Variants in CRACR2A observed in about 807,000 individuals in gnomAD.
CRACR2A encodes the protein EF-hand calcium-binding domain-containing protein 4B.
A neutral mutation model predicts 90.5 loss-of-function variants in CRACR2A; 79 were observed. The observed-to-expected ratio is 0.87, with a 90% confidence interval of 0.73 to 1.05. The LOEUF (loss-of-function observed/expected upper bound fraction) is 1.05, where lower values mean the gene tolerates loss of function less well. Among genes scored for constraint, CRACR2A ranks in the 50% least tolerant of loss-of-function variants. CRACR2A has a pLI of 0.00. For synonymous variants in CRACR2A, 338 were observed against 356.7 expected, an observed-to-expected ratio of 0.95 and a Z score of 0.59; for missense variants, 823 against 897.2, an observed-to-expected ratio of 0.92 and a Z score of 1.06.
intron 6 of CRACR2A, among the ~76,000 whole-genome samples, chr12:3,676,388 C>T (rs1336611189): frequency 6.6e-6 from 1 of 152,180 alleles, no homozygotes; most frequent in African/African-American, 2.4e-5. Context: ...ATGGTGACCT[C>T]CCATCCCTGT....
intron 11 of CRACR2A, among the ~76,000 whole-genome samples, chr12:3,645,342 G>A (rs1018218828): frequency 1.3e-5 from 2 of 152,238 alleles, no homozygotes; most frequent in Admixed American, 1.3e-4. Flanking sequence ...GATACACCTA[G>A]TGTGAGCAAG....
intron 4 of CRACR2A, among the ~76,000 whole-genome samples, chr12:3,687,313 T>C (rs898880180): frequency 6.6e-6 from 1 of 152,030 alleles, no homozygotes; most frequent in African/African-American, 2.4e-5. Flanking sequence ...CTAGTACCCA[T>C]TAGTTATTTT....
At chr12:3,636,468 G>A (rs959615585) in intron 14 of CRACR2A, among the ~76,000 whole-genome samples, 2 of 152,222 alleles carry the variant, frequency 1.3e-5, no homozygotes, top group Admixed American at 6.5e-5. Flanking sequence ...TGTGGGGCTG[G>A]CCTCTCTCCC....
intron 2 of CRACR2A, chr12:3,729,868 C>G (rs777991204): frequency 2.0e-5 from 3 of 152,220 alleles, no homozygotes; most frequent in Non-Finnish European, 2.9e-5. Context: ...GAAAAGTGAG[C>G]TAGTGCTACC....
intron 11 of CRACR2A, among the ~76,000 whole-genome samples, chr12:3,647,300 A>G (rs1207867254): frequency 6.7e-6 from 1 of 149,088 alleles, no homozygotes; most frequent in Non-Finnish European, 1.5e-5. Flanking sequence ...TTCATTAGCC[A>G]TTGGGGCTTA....
chr12:3,665,265 T>C (rs528244493), intron 7 of CRACR2A, among the ~76,000 whole-genome samples: 2 of 152,330 alleles, frequency 1.3e-5, no homozygotes, highest in South Asian at 2.1e-4. Flanking sequence ...TTCCCCATGA[T>C]AGCTGGGTAG....
intron 13 of CRACR2A, among the ~76,000 whole-genome samples, chr12:3,641,116 C>T (rs958192356): frequency 4.6e-5 from 7 of 152,070 alleles, no homozygotes; most frequent in East Asian, 1.9e-4. Flanking sequence ...GAGGCCGAGG[C>T]GGGCAGATCA....
chr12:3,674,499 T>G (rs111416245), intron 6 of CRACR2A, among the ~76,000 whole-genome samples: 10 of 152,330 alleles, frequency 6.6e-5, no homozygotes, highest in African/African-American at 2.4e-4. Context: ...CAAGCTAAGT[T>G]AAACATAAAT....
chr12:3,626,745 C>A (rs1214014388), intron 17 of CRACR2A, among the ~76,000 whole-genome samples: 1 of 152,202 alleles, frequency 6.6e-6, no homozygotes, highest in Non-Finnish European at 1.5e-5. Context: ...GAGAAGCCTG[C>A]ACTGGGGTGG....
At chr12:3,698,987 A>G (rs1357263629) in intron 3 of CRACR2A, among the ~76,000 whole-genome samples, 1 of 152,200 alleles carries the variant, frequency 6.6e-6, no homozygotes, top group Non-Finnish European at 1.5e-5. Flanking sequence ...GATGAGGTTA[A>G]TAATATCTGT....
In CRACR2A at chr12:3,711,465, C is replaced by T. The variant is rs1946005106; in HGVS notation, c.-37+1772G>A. ...AAACACTGATGTGAGCACAACTTAG[C>T]CAAGTTCTTTGCCACTTTATAACAA... is the stretch of plus-strand genomic sequence containing the variant. On this transcript the variant is annotated intron_variant, in intron 3 of 19. Transcript: ENST00000440314. This position sits in a 1 kb window ranked among gnomAD's most constrained non-coding sequence, Gnocchi z 4.3. 6.6e-6 allele frequency among the ~76,000 whole-genome samples: 1 copy of T among 152,212 alleles called. No individual in the cohort carries two copies. The highest frequency in any genetic ancestry group is 2.1e-4 in the South Asian group (1 of 4,828).
intron 2 of CRACR2A, among the ~76,000 whole-genome samples, chr12:3,714,090 T>C (rs1157728731): frequency 1.3e-5 from 2 of 152,228 alleles, no homozygotes; most frequent in Non-Finnish European, 1.5e-5. Flanking sequence ...CCAAGGAGGC[T>C]GGCCTCTGTG....
intron 7 of CRACR2A, among the ~76,000 whole-genome samples, chr12:3,668,467 A>G (rs2137550202): frequency 6.6e-6 from 1 of 152,268 alleles, no homozygotes; most frequent in Non-Finnish European, 1.5e-5. Context: ...CCTCTGGTAA[A>G]TCTAAGCAAC....
At chr12:3,621,423 G>A (rs1449749505) in intron 17 of CRACR2A, among the ~76,000 whole-genome samples, 2 of 149,166 alleles carry the variant, frequency 1.3e-5, no homozygotes, top group African/African-American at 2.5e-5. Context: ...GGAGGCCGAG[G>A]TGGGTGGATC....
chr12:3,645,029 G>A (rs11062751), intron 11 of CRACR2A, among the ~76,000 whole-genome samples: 4,564 of 152,188 alleles, frequency 0.03, 111 homozygotes, highest in Non-Finnish European at 0.037. Context: ...ATGCATGCAC[G>A]CATTCACTCA....
chr12:3,718,148 G>C (rs919938302), intron 2 of CRACR2A, among the ~76,000 whole-genome samples: 4 of 152,226 alleles, frequency 2.6e-5, no homozygotes, highest in African/African-American at 4.8e-5. Context: ...CACACAGAAA[G>C]TGCTTAGCAC....
chr12:3,690,977 C>A (rs968058286), intron 4 of CRACR2A, among the ~76,000 whole-genome samples: 6 of 152,158 alleles, frequency 3.9e-5, no homozygotes, highest in Non-Finnish European at 7.4e-5. Flanking sequence ...GCAACCCCTG[C>A]TTTTTTTCTG....
At chr12:3,732,077 C>T (rs922723907) in intron 2 of CRACR2A, 5 of 152,206 alleles carry the variant, frequency 3.3e-5, no homozygotes, top group Non-Finnish European at 5.9e-5. Flanking sequence ...CAGGCCAACT[C>T]GGGTGGCAAA....
chr12:3,625,120 T>A (rs1944232731), intron 17 of CRACR2A, among the ~76,000 whole-genome samples: 1 of 152,136 alleles, frequency 6.6e-6, no homozygotes, highest in South Asian at 2.1e-4. Flanking sequence ...CTAGAAATCA[T>A]ATAGAAAAGC....
Sources: allele counts gnomAD v4.1 joint callset (sites outside exome capture counted in the v4.1 genomes callset), GRCh38; gene constraint gnomAD v4.1.1; non-coding constraint Gnocchi (gnomAD v3.1); transcripts MANE v1.5; gene names NCBI Gene and HGNC (gene_info 2026-07-23, HGNC 2026-07-21).